LBP: variants seen among roughly 807,000 people sequenced by gnomAD.
LBP encodes the protein lipopolysaccharide binding protein.
A neutral mutation model predicts 56.6 loss-of-function variants in LBP; 53 were observed. The ratio of observed to expected loss-of-function variants is 0.94; its 90% CI spans 0.75 to 1.18. LBP has a LOEUF of 1.18. Ranked by LOEUF, LBP falls within the 50% of genes most tolerant of loss-of-function variation. LBP has a pLI of 0.00. For synonymous variants in LBP, 227 were observed against 247.5 expected, an observed-to-expected ratio of 0.92 and a Z score of 0.78; for missense variants, 601 against 598.3, an observed-to-expected ratio of 1.00 and a Z score of -0.05.
chr20:38,373,175 A>G (rs2076906644), intron 13 of LBP, 40 bp downstream of exon 13: 2 of 1,536,688 alleles, frequency 1.3e-6, no homozygotes, highest in East Asian at 2.2e-5. Flanking sequence ...AAAAGTGAAC[A>G]CTGCTGTCTG....
intron 13 of LBP, 116 bp downstream of exon 13, chr20:38,373,251 CTT>C: frequency 2.4e-6 from 2 of 842,734 alleles, no homozygotes; most frequent in Non-Finnish European, 3.9e-6. Context: ...GGGCAAGTCA[CTT>C]CTCTCTGAGC....
intron 11 of LBP, among the ~76,000 whole-genome samples, 181 bp downstream of exon 11, chr20:38,370,986 A>G (rs2076898887): frequency 6.6e-6 from 1 of 152,234 alleles, no homozygotes. Context: ...AAATTGTTAA[A>G]GAATTCACTA....
At chr20:38,350,770 A>G (rs965367911) in intron 2 of LBP, 41 bp from the exon 3 acceptor site, 3 of 1,577,790 alleles carry the variant, frequency 1.9e-6, no homozygotes, top group Non-Finnish European at 2.6e-6. Context: ...GGCTGGGTCC[A>G]GGCCCAGGGC....
intron 1 of LBP, among the ~76,000 whole-genome samples, chr20:38,347,251 A>T (rs537881499): frequency 6.6e-6 from 1 of 152,330 alleles, no homozygotes; most frequent in Non-Finnish European, 1.5e-5. Context: ...CTCAATTTTA[A>T]AGAATGGGCA....
intron 12 of LBP, 67 bp downstream of exon 12, chr20:38,371,389 C>T (rs2076900349): frequency 1.8e-6 from 2 of 1,136,364 alleles, no homozygotes; most frequent in East Asian, 2.4e-5. Context: ...TAAGCAATTG[C>T]TATGGCACCT....
At chr20:38,366,635 ATC>A in intron 8 of LBP, 132 bp from the exon 9 acceptor site, 1 of 816,236 alleles carries the variant, frequency 1.2e-6, no homozygotes, top group Middle Eastern at 2.3e-4. Flanking sequence ...CAGGACAGGC[ATC>A]TCCTCCCTGC....
intron 14 of LBP, among the ~76,000 whole-genome samples, chr20:38,375,394 A>G (rs11696479): frequency 0.15 from 22,575 of 151,744 alleles, 1,771 homozygotes; most frequent in South Asian, 0.28. Flanking sequence ...CAGCCTGGCC[A>G]ACATGGTGAA....
Position 38,346,601 on chromosome 20 carries a change from G to T in LBP, c.85G>T (p.Gly29Cys). Residue 29 changes from glycine to cysteine, a missense_variant, in exon 1 of 15, where the codon GGC (glycine) becomes TGC (cysteine). Coordinates refer to ENST00000217407, the MANE Select transcript of LBP (RefSeq NM_004139.5). ...CCCAGAGGCTCTGGGTGCCAACCCC[G>T]GCTTGGTCGCCAGGATCACCGACAA... ...STPEALGANP[G>C]LVARITDKGL... 6.2e-7 allele frequency: 1 copy of T among 1,613,700 alleles called. No homozygotes were observed. Among genetic ancestry groups the T allele is most frequent in the South Asian group, 1.1e-5 (1 of 91,082 alleles).
chr20:38,356,426 A>G (rs568182734), intron 5 of LBP, among the ~76,000 whole-genome samples: 3,082 of 71,930 alleles, frequency 0.043, 62 homozygotes, highest in African/African-American at 0.11. Flanking sequence ...ACGCGCACAC[A>G]CACACACACA....
In LBP at chr20:38,353,392, T is replaced by C. The variant is rs544864339; in HGVS notation, c.369-892T>C. On this transcript the variant is annotated intron_variant, in intron 3 of 14. Coordinates refer to ENST00000217407, the MANE Select transcript of LBP (RefSeq NM_004139.5). ...GGAGACTCCTGGAATAGACCACATTTTGCCCCATTGTTCTCAAAGGCTGCA... is the reference window on the plus strand; with the variant it reads ...GGAGACTCCTGGAATAGACCACATTCTGCCCCATTGTTCTCAAAGGCTGCA... Among the ~76,000 whole-genome samples, 33 of 152,018 alleles carry C rather than the reference T, an allele frequency of 2.2e-4. 1 individual carries two copies. The South Asian group carries it at 6.9e-3, about 32-fold the overall frequency.
Position 38,350,820 on chromosome 20 carries a change from C to G in LBP, c.249C>G (p.Ile83Met). 1 of 1,606,752 alleles carries G rather than the reference C, an allele frequency of 6.2e-7. No individual in the cohort carries two copies. Among genetic ancestry groups the G allele is most frequent in the Non-Finnish European group, 8.5e-7 (1 of 1,174,396 alleles). ...RGRYEFHSLN[I>M]HSCELLHSAL... ...ATGTCTCTCCCTTCAGCCTGAACAT[C>G]CACAGCTGTGAGCTGCTTCACTCTG... The change falls in exon 3 of 15, where the codon ATC (isoleucine) becomes ATG (methionine). Residue 83 changes from isoleucine to methionine, a missense_variant. Coordinates refer to ENST00000217407, the MANE Select transcript of LBP (RefSeq NM_004139.5).
At chr20:38,371,805 T>G (rs1326273367) in intron 12 of LBP, among the ~76,000 whole-genome samples, 1 of 145,186 alleles carries the variant, frequency 6.9e-6, no homozygotes, top group Non-Finnish European at 1.5e-5. Flanking sequence ...AGTTTCAGTT[T>G]TTTAAAAAAT....
At chr20:38,346,713 G>A (rs1199112799) in intron 1 of LBP, 73 bp downstream of exon 1, 1 of 1,592,464 alleles carries the variant, frequency 6.3e-7, no homozygotes, top group African/African-American at 1.3e-5. Context: ...GTGGGGACAG[G>A]GAGTGGGGAC....
chr20:38,373,362 G>A (rs2076907356), intron 13 of LBP, among the ~76,000 whole-genome samples: 1 of 152,104 alleles, frequency 6.6e-6, no homozygotes, highest in Non-Finnish European at 1.5e-5. Flanking sequence ...TTGGAGCACG[G>A]GAAACCTCCT....
chr20:38,375,643 T>G (rs1222026802), intron 14 of LBP, among the ~76,000 whole-genome samples: 1 of 152,214 alleles, frequency 6.6e-6, no homozygotes, highest in Admixed American at 6.5e-5. Flanking sequence ...TATTTTAATA[T>G]CAAGTGAAAT....
chr20:38,349,338 T>C (rs2076812275), intron 1 of LBP, among the ~76,000 whole-genome samples: 1 of 152,150 alleles, frequency 6.6e-6, no homozygotes, highest in Admixed American at 6.5e-5. Context: ...AAAATGGGCA[T>C]GAACCTAACA....
chr20:38,346,539 T>G lies in LBP; in HGVS notation c.23T>G (p.Leu8Arg), dbSNP rs1600720213. The change falls in exon 1 of 15, where the codon CTG becomes CGG. Residue 8 changes from leucine to arginine, a missense_variant. Transcript: ENST00000217407. MGALARALPSILLALLLT... is the reference protein window; with the variant it reads MGALARARPSILLALLLT... Reference sequence around the variant, plus strand: ...AGGATGGGGGCCTTGGCCAGAGCCCTGCCGTCCATACTGCTGGCATTGCTG... The same window carrying G: ...AGGATGGGGGCCTTGGCCAGAGCCCGGCCGTCCATACTGCTGGCATTGCTG... 1.9e-6 allele frequency: 3 copies of G among 1,613,778 alleles called. No individual in the cohort carries two copies. The East Asian group carries it at 6.7e-5, about 36-fold the overall frequency.
intron 9 of LBP, among the ~76,000 whole-genome samples, chr20:38,368,004 C>A (rs1461400443): frequency 6.7e-6 from 1 of 150,174 alleles, no homozygotes; most frequent in Non-Finnish European, 1.5e-5. Context: ...CCAACCTGGA[C>A]AACATAGCAA....
intron 1 of LBP, among the ~76,000 whole-genome samples, chr20:38,346,987 C>T (rs2076803421): frequency 6.6e-6 from 1 of 152,170 alleles, no homozygotes; most frequent in Non-Finnish European, 1.5e-5. Context: ...GCCACCACCT[C>T]TGATGATGGG....
Sources: allele counts gnomAD v4.1 joint callset (sites outside exome capture counted in the v4.1 genomes callset), GRCh38; gene constraint gnomAD v4.1.1; transcripts MANE v1.5; gene names NCBI Gene and HGNC (gene_info 2026-07-23, HGNC 2026-07-21).